The following LAMA4 variants were observed in gnomAD, a reference collection of about 807,000 sequenced individuals.
LAMA4 encodes the protein laminin subunit alpha 4.
A neutral mutation model predicts 207.1 loss-of-function variants in LAMA4; 127 were observed. That is an observed-to-expected ratio of 0.61 (90% CI 0.53 to 0.71). The LOEUF (loss-of-function observed/expected upper bound fraction) is 0.71. LAMA4 is among the 30% of genes least tolerant of loss of function. LAMA4 has a pLI of 0.00. For synonymous variants in LAMA4, 761 were observed against 816.0 expected (o/e 0.93, Z 1.15); for missense variants, 2,093 against 2,246.5 (o/e 0.93, Z 1.38).
intron 29 of LAMA4, 101 bp downstream of exon 29, chr6:112,130,867 T>G: frequency 4.7e-6 from 6 of 1,287,428 alleles, no homozygotes; most frequent in Non-Finnish European, 6.8e-6. Context: ...TGTTTTAACA[T>G]TAGAAAAGTT....
At chr6:112,158,610 A>G in intron 14 of LAMA4, 122 bp downstream of exon 14, 2 of 1,007,596 alleles carry the variant, frequency 2.0e-6, no homozygotes, top group Non-Finnish European at 3.1e-6. Flanking sequence ...TCAACACATA[A>G]GCATACCCAA....
At chr6:112,185,378 A>T (rs1554346390) in intron 8 of LAMA4, 31 bp from the exon 9 acceptor site, 2 of 1,277,914 alleles carry the variant, frequency 1.6e-6, no homozygotes. Context: ...AGAATAGTCA[A>T]TGGGCACACC....
chr6:112,193,885 G>C (rs1446390322), intron 5 of LAMA4, among the ~76,000 whole-genome samples: 2 of 152,202 alleles, frequency 1.3e-5, no homozygotes, highest in African/African-American at 4.8e-5. Context: ...GTAAGACATA[G>C]AGGGAGACAG....
intron 2 of LAMA4, among the ~76,000 whole-genome samples, chr6:112,251,111 G>A (rs1787418948): frequency 6.6e-6 from 1 of 152,168 alleles, no homozygotes; most frequent in Admixed American, 6.5e-5. Flanking sequence ...AGCAAAGGTG[G>A]GAAAATCCTC....
Position 112,155,695 on chromosome 6 carries a change from C to A in LAMA4, c.1829G>T (p.Ser610Ile). Residue 610 changes from serine to isoleucine, a missense_variant, in exon 15 of 39, where the codon AGT (serine) becomes ATT (isoleucine). By Grantham distance (142) the Ser-to-Ile change is moderately radical. Coordinates refer to ENST00000230538, the MANE Select transcript of LAMA4 (RefSeq NM_001105206.3). ...CTGTACCAGCCCGTTCATATCTGAA[C>A]TGTGCAACTTCCTGTTAATAAACAA... Reference protein sequence around the residue: ...EANELSRKLHSSDMNGLVQKA... With the variant: ...EANELSRKLHISDMNGLVQKA... 1 of 1,614,110 alleles carries A rather than the reference C, an allele frequency of 6.2e-7. No homozygotes were observed. The highest frequency in any genetic ancestry group is 8.5e-7 in the Non-Finnish European group (1 of 1,179,980).
chr6:112,173,112 T>A (rs1554342510), intron 11 of LAMA4, among the ~76,000 whole-genome samples: 1 of 152,166 alleles, frequency 6.6e-6, no homozygotes, highest in African/African-American at 2.4e-5. Context: ...TATTAATAAT[T>A]TTACTGTGTA....
In LAMA4 at chr6:112,154,961, G is replaced by C; in HGVS notation, c.1960-14C>G. On this transcript the variant is annotated splice_polypyrimidine_tract_variant and intron_variant, in intron 15 of 38. Coordinates refer to ENST00000230538, the MANE Select transcript of LAMA4 (RefSeq NM_001105206.3). Reference sequence around the variant, plus strand: ...CCCACTCACCGCCTACAAAGGAATTGAGAGAAGAGGGTAAAAATGACAGCA... The same window carrying C: ...CCCACTCACCGCCTACAAAGGAATTCAGAGAAGAGGGTAAAAATGACAGCA... 1 of 1,544,932 alleles carries C rather than the reference G, an allele frequency of 6.5e-7. No homozygotes were observed. Among genetic ancestry groups the C allele is most frequent in the Non-Finnish European group, 8.9e-7 (1 of 1,117,668 alleles).
intron 12 of LAMA4, among the ~76,000 whole-genome samples, chr6:112,165,591 T>G (rs1370086194): frequency 6.6e-6 from 1 of 152,210 alleles, no homozygotes; most frequent in Non-Finnish European, 1.5e-5. Context: ...AAAAGAGGAC[T>G]ATGGAGAAAG....
chr6:112,238,850 T>C (rs1554367074), intron 2 of LAMA4, among the ~76,000 whole-genome samples: 1 of 152,236 alleles, frequency 6.6e-6, no homozygotes, highest in Non-Finnish European at 1.5e-5. Flanking sequence ...TCAGAAGATT[T>C]CTTTTGTGGT....
intron 9 of LAMA4, 144 bp from the exon 10 acceptor site, chr6:112,178,376 C>A: frequency 1.5e-6 from 1 of 677,264 alleles, no homozygotes; most frequent in Non-Finnish European, 2.6e-6. Context: ...TGAAATCATC[C>A]CAAAAATAAT....
chr6:112,139,698 T>C, intron 23 of LAMA4, 54 bp downstream of exon 23: 1 of 1,599,946 alleles, frequency 6.3e-7, no homozygotes. Context: ...ACTTGTTCTA[T>C]CTGCTGCTCT....
chr6:112,139,176 C>T lies in LAMA4; in HGVS notation c.3226G>A (p.Asp1076Asn). The T allele has an allele frequency of 6.2e-7, 1 of 1,614,136 alleles. No individual in the cohort carries two copies. The highest frequency in any genetic ancestry group is 8.5e-7 in the Non-Finnish European group (1 of 1,180,010). ...RGKFGQVTRF[D>N]IEVRTPADNG... ...TCAGCTGGTGTTCGAACTTCTATGTCAAAGCGAGTCACCTGACCAAATTTC... is the reference window on the plus strand; with the variant it reads ...TCAGCTGGTGTTCGAACTTCTATGTTAAAGCGAGTCACCTGACCAAATTTC... Residue 1076 changes from aspartate (D) to asparagine (N), a missense_variant, in exon 24 of 39, where the codon GAC becomes AAC. Transcript: ENST00000230538.
chr6:112,154,318 T>G (rs1027519149), intron 16 of LAMA4, among the ~76,000 whole-genome samples: 1 of 147,582 alleles, frequency 6.8e-6, no homozygotes, highest in African/African-American at 2.5e-5. Flanking sequence ...GCTTGTTAGG[T>G]CTGTCCTAAA....
intron 13 of LAMA4, 192 bp from the exon 14 acceptor site, chr6:112,159,072 A>C (rs1208495085): frequency 1.7e-6 from 1 of 572,412 alleles, no homozygotes; most frequent in Non-Finnish European, 3.1e-6. Flanking sequence ...TTCTGTATTG[A>C]TTGCTTCCCT....
At chr6:112,237,122 A>G (rs1785987483) in intron 2 of LAMA4, among the ~76,000 whole-genome samples, 2 of 152,188 alleles carry the variant, frequency 1.3e-5, no homozygotes, top group Non-Finnish European at 2.9e-5. Context: ...AATGACCGAG[A>G]CAAAAGTGGA....
chr6:112,247,100 G>A (rs1175960373), intron 2 of LAMA4, among the ~76,000 whole-genome samples: 1 of 152,162 alleles, frequency 6.6e-6, no homozygotes. Context: ...GAGGCAGAGA[G>A]TGGAAAAATG....
intron 22 of LAMA4, among the ~76,000 whole-genome samples, chr6:112,140,124 T>C (rs1779602655): frequency 6.6e-6 from 1 of 152,206 alleles, no homozygotes; most frequent in Admixed American, 6.5e-5. Flanking sequence ...TCATAGGCTG[T>C]ACAGTGAATT....
At chr6:112,111,179 G>T (rs150835207) in intron 38 of LAMA4, among the ~76,000 whole-genome samples, 1 of 152,042 alleles carries the variant, frequency 6.6e-6, no homozygotes, top group South Asian at 2.1e-4. Context: ...TAGCTGGAGG[G>T]ATTACAGGCA....
At chr6:112,241,098 AATAT>A (rs368880785) in intron 2 of LAMA4, among the ~76,000 whole-genome samples, 1 of 94,378 alleles carries the variant, frequency 1.1e-5, no homozygotes, top group Non-Finnish European at 2.3e-5. Flanking sequence ...GAGTCACATG[AATAT>A]ATATATATAT....
Sources: gnomAD v4.1 joint callset for allele counts (sites outside exome capture counted in the v4.1 genomes callset) on GRCh38, gnomAD v4.1.1 for gene constraint, MANE v1.5 for transcripts, NCBI Gene and HGNC (gene_info 2026-07-23, HGNC 2026-07-21) for gene names.